Variants in PRKN observed in about 807,000 individuals in gnomAD.
PRKN encodes E3 ubiquitin-protein ligase parkin.
PRKN carries 56 observed loss-of-function variants against 59.5 expected under a neutral mutation model. The observed-to-expected ratio is 0.94, with a 90% CI of 0.76 to 1.18. The LOEUF (loss-of-function observed/expected upper bound fraction) is 1.18. Ranked by LOEUF, PRKN falls within the 50% of genes most tolerant of loss-of-function variation. The pLI, the probability that PRKN is intolerant of heterozygous loss-of-function variation, is 0.00. For missense variants in PRKN, 657 were observed against 596.4 expected, an observed-to-expected ratio of 1.10 and a Z score of -1.06; for synonymous variants, 250 against 222.1, an observed-to-expected ratio of 1.13 and a Z score of -1.12.
intron 1 of PRKN, among the ~76,000 whole-genome samples, chr6:162,456,603 G>A (rs1325434543): frequency 6.6e-6 from 1 of 152,114 alleles, no homozygotes; most frequent in Non-Finnish European, 1.5e-5. Context: ...ATAGGCTATA[G>A]TTGTAGTCTG....
chr6:161,869,066 G>C (rs2128226249), intron 6 of PRKN, among the ~76,000 whole-genome samples: 1 of 152,296 alleles, frequency 6.6e-6, no homozygotes, highest in Non-Finnish European at 1.5e-5. Context: ...AACATGCTAA[G>C]AAATAGAAGT....
intron 7 of PRKN, among the ~76,000 whole-genome samples, chr6:161,600,143 T>G (rs2128143225): frequency 6.6e-6 from 1 of 152,380 alleles, no homozygotes; most frequent in Non-Finnish European, 1.5e-5. Context: ...CTATTTTGAA[T>G]AGCCTAATTT....
chr6:161,583,489 G>A (rs1234753142), intron 7 of PRKN, among the ~76,000 whole-genome samples: 4 of 151,794 alleles, frequency 2.6e-5, no homozygotes, highest in Admixed American at 2.6e-4. Context: ...AGAAGTTCAG[G>A]AAATGCTTAA....
chr6:162,562,442 T>C (rs1414471849), intron 1 of PRKN, among the ~76,000 whole-genome samples: 1 of 152,128 alleles, frequency 6.6e-6, no homozygotes, highest in East Asian at 1.9e-4. Context: ...TTTCTGGACC[T>C]GCCCTGGGCC....
intron 9 of PRKN, among the ~76,000 whole-genome samples, chr6:161,513,029 C>A (rs1778450657): frequency 6.6e-6 from 1 of 152,156 alleles, no homozygotes; most frequent in Non-Finnish European, 1.5e-5. Flanking sequence ...TCCACAGAAC[C>A]ACTCTTGCCA....
At chr6:162,345,756 T>C (rs1784375327) in intron 2 of PRKN, among the ~76,000 whole-genome samples, 1 of 152,220 alleles carries the variant, frequency 6.6e-6, no homozygotes, top group Non-Finnish European at 1.5e-5. Context: ...TATCGTTATA[T>C]TCTTTTGAGC....
At chr6:161,517,922 T>TG (rs1345010736) in intron 9 of PRKN, among the ~76,000 whole-genome samples, 1 of 152,110 alleles carries the variant, frequency 6.6e-6, no homozygotes, top group Non-Finnish European at 1.5e-5. Flanking sequence ...GACCTTTCTG[T>TG]GCTATGTTTA....
chr6:161,905,266 C>T (rs1268041586), intron 6 of PRKN, among the ~76,000 whole-genome samples: 6 of 152,184 alleles, frequency 3.9e-5, no homozygotes, highest in East Asian at 1.9e-4. Context: ...TAACTAACTA[C>T]GTTTGCTGGC....
intron 3 of PRKN, among the ~76,000 whole-genome samples, chr6:162,204,714 G>GTTT (rs35258663): frequency 6.1e-5 from 9 of 148,298 alleles, no homozygotes; most frequent in South Asian, 2.1e-4. Flanking sequence ...CAGAAGTTTT[G>GTTT]TTTTTTTTTT....
At chr6:162,418,927 C>T (rs538435015) in intron 2 of PRKN, among the ~76,000 whole-genome samples, 2 of 151,954 alleles carry the variant, frequency 1.3e-5, no homozygotes, top group Admixed American at 1.3e-4. Context: ...AGGACCCACC[C>T]TGTACCCAGT....
At chr6:161,537,118 T>C (rs750973208) in intron 9 of PRKN, among the ~76,000 whole-genome samples, 18 of 152,234 alleles carry the variant, frequency 1.2e-4, no homozygotes, top group Non-Finnish European at 2.5e-4. Flanking sequence ...TTGAGAAGCC[T>C]ACTTTGATTT....
intron 1 of PRKN, among the ~76,000 whole-genome samples, chr6:162,618,214 C>A (rs550157737): frequency 6.6e-6 from 1 of 152,208 alleles, no homozygotes; most frequent in South Asian, 2.1e-4. Flanking sequence ...ATCAGCCACT[C>A]AAATTTCAAT....
chr6:162,389,718 G>GT (rs1787063798), intron 2 of PRKN, among the ~76,000 whole-genome samples: 1 of 152,178 alleles, frequency 6.6e-6, no homozygotes, highest in African/African-American at 2.4e-5. Flanking sequence ...GCGAAGATAA[G>GT]TAACTTAGCC....
chr6:161,586,145 A>G (rs1374208383), intron 7 of PRKN, among the ~76,000 whole-genome samples: 2 of 152,156 alleles, frequency 1.3e-5, no homozygotes, highest in Non-Finnish European at 2.9e-5. Context: ...CCTCCAGAGT[A>G]GCTAGGACTG....
At position 161,378,983 on chromosome 6, in the gene PRKN, G is replaced by T. The variant is rs767577113; in HGVS notation, c.1167+7811C>A. 5.3e-5 allele frequency among the ~76,000 whole-genome samples: 8 copies of T among 152,156 alleles called. No individual in the cohort carries two copies. The highest frequency in any genetic ancestry group is 1.4e-4 in the African/African-American group (6 of 41,424). On this transcript the variant is annotated intron_variant, in intron 10 of 11. Coordinates refer to ENST00000366898, the MANE Select transcript of PRKN (RefSeq NM_004562.3). This position sits in a 1 kb window ranked among gnomAD's most constrained non-coding sequence, Gnocchi z 7.3. ...CCAGCAAGAGAGTACTTTTGCCAGAGAACACAGCAAGAGTTCTGGTCACTT... is the reference window on the plus strand; with the variant it reads ...CCAGCAAGAGAGTACTTTTGCCAGATAACACAGCAAGAGTTCTGGTCACTT...
chr6:162,148,648 G>A (rs1322948367), intron 4 of PRKN, among the ~76,000 whole-genome samples: 1 of 152,078 alleles, frequency 6.6e-6, no homozygotes, highest in Non-Finnish European at 1.5e-5. Context: ...GTGGAAAAAA[G>A]CCTAAAATAA....
At chr6:162,504,415 C>T (rs1228884413) in intron 1 of PRKN, among the ~76,000 whole-genome samples, 2 of 152,054 alleles carry the variant, frequency 1.3e-5, no homozygotes, top group African/African-American at 4.8e-5. Context: ...GATAAAAACA[C>T]ACAAAAAATG....
At chr6:162,236,808 A>AAG (rs904159821) in intron 3 of PRKN, among the ~76,000 whole-genome samples, 3 of 151,042 alleles carry the variant, frequency 2.0e-5, no homozygotes, top group African/African-American at 4.9e-5. Flanking sequence ...AAAAGAAAGA[A>AAG]AGAGAGAGAG....
chr6:162,312,596 A>G (rs1782565263), intron 2 of PRKN, among the ~76,000 whole-genome samples: 1 of 152,152 alleles, frequency 6.6e-6, no homozygotes, highest in Non-Finnish European at 1.5e-5. Flanking sequence ...GTGTGGGATG[A>G]CAGGGGATAA....
Sources: allele counts gnomAD v4.1 joint callset (sites outside exome capture counted in the v4.1 genomes callset), GRCh38; gene constraint gnomAD v4.1.1; non-coding constraint Gnocchi (gnomAD v3.1); transcripts MANE v1.5; gene names NCBI Gene and HGNC (gene_info 2026-07-23, HGNC 2026-07-21).